MPDZ: variants seen among roughly 807,000 people sequenced by gnomAD.
MPDZ encodes multiple PDZ domain crumbs cell polarity complex component, also known as multiple PDZ domain protein.
MPDZ carries 234 observed loss-of-function variants against 239.1 expected under a neutral mutation model. That is an observed-to-expected ratio of 0.98 (90% confidence interval 0.88 to 1.09). The LOEUF (loss-of-function observed/expected upper bound fraction) is 1.09. Among genes scored for constraint, MPDZ ranks in the 50% least tolerant of loss-of-function variants. The pLI is 0.00. For missense variants in MPDZ, 3,175 were observed against 2,510.0 expected (o/e 1.26, Z -5.66); for synonymous variants, 1,048 against 881.3 (o/e 1.19, Z -3.35).
At position 13,188,663 on chromosome 9, in the gene MPDZ, C is replaced by T. The variant is rs1354959984; in HGVS notation, c.2364+121G>A. ...TCTTTATACGAATGGAGCTAGTAAT[C>T]ACGTTGATGAAAACTACTAAAAGTC... On this transcript the variant is annotated intron_variant, in intron 17 of 46. Transcript: ENST00000319217. The T allele has an allele frequency of 1.6e-5, 11 of 700,514 alleles. No individual in the cohort carries two copies. In the East Asian group the frequency reaches 2.8e-4, roughly 18 times the overall value. 43.4% of individuals were successfully genotyped at this position (700,514 alleles called of 1,614,324 possible). A position where few individuals can be genotyped will look rare whatever the true frequency, so the allele number is the denominator to read the frequency against.
At chr9:13,258,565 A>G (rs1035184295) in intron 1 of MPDZ, among the ~76,000 whole-genome samples, 1 of 152,216 alleles carries the variant, frequency 6.6e-6, no homozygotes, top group East Asian at 1.9e-4. Flanking sequence ...CATAACAGCA[A>G]TATTTATACT....
intron 1 of MPDZ, among the ~76,000 whole-genome samples, chr9:13,254,478 T>C (rs1163949131): frequency 1.3e-5 from 2 of 152,236 alleles, no homozygotes; most frequent in African/African-American, 2.4e-5. Context: ...TTGTTGTAAT[T>C]GTTCAATTTT....
chr9:13,124,780 A>G (rs572325236), intron 35 of MPDZ, among the ~76,000 whole-genome samples: 2 of 152,016 alleles, frequency 1.3e-5, no homozygotes, highest in Admixed American at 1.3e-4. Flanking sequence ...GGATAATTGC[A>G]TATCCATTCT....
chr9:13,162,651 G>T, intron 23 of MPDZ, 40 bp downstream of exon 23: 1 of 1,360,788 alleles, frequency 7.3e-7, no homozygotes, highest in Non-Finnish European at 1.0e-6. Context: ...TCTACAACTT[G>T]CTGTACCATT....
chr9:13,269,420 A>G (rs1390798448), intron 1 of MPDZ, among the ~76,000 whole-genome samples: 1 of 152,224 alleles, frequency 6.6e-6, no homozygotes, highest in African/African-American at 2.4e-5. Flanking sequence ...CCCCAGCACC[A>G]GAAGTAATGG....
At chr9:13,221,638 C>A in intron 6 of MPDZ, 138 bp from the exon 7 acceptor site, 1 of 844,660 alleles carries the variant, frequency 1.2e-6, no homozygotes, top group Non-Finnish European at 1.7e-6. Context: ...TAACAATGTC[C>A]CTTTCATTTG....
intron 18 of MPDZ, among the ~76,000 whole-genome samples, chr9:13,185,803 T>C (rs185490880): frequency 1.3e-5 from 2 of 152,050 alleles, no homozygotes; most frequent in Non-Finnish European, 2.9e-5. Flanking sequence ...ATAGAAAACA[T>C]GGGGTTTACC....
chr9:13,186,255 G>A lies in MPDZ; in HGVS notation c.2481+15C>T, dbSNP rs767276862. ...AGGTTTCTGAAAGAAAGCTTGATAA[G>A]TCATAGCCACTAACCAGAGCCAAGT... is the stretch of plus-strand genomic sequence containing the variant. On this transcript the variant is annotated intron_variant, in intron 18 of 46. Transcript: ENST00000319217. 2 of 1,502,602 alleles carry A rather than the reference G, an allele frequency of 1.3e-6. No individual in the cohort carries two copies. The highest frequency in any genetic ancestry group is 1.4e-5 in the African/African-American group (1 of 72,218). The allele number at this position is 1,502,602 out of a possible 1,614,324, so 93.1% of individuals were successfully genotyped here.
chr9:13,173,292 C>T (rs897425025), intron 21 of MPDZ, among the ~76,000 whole-genome samples: 1 of 151,950 alleles, frequency 6.6e-6, no homozygotes, highest in Non-Finnish European at 1.5e-5. Flanking sequence ...GTCTATTTTA[C>T]AATAAAAAAT....
chr9:13,172,271 T>C (rs1346266620), intron 21 of MPDZ, among the ~76,000 whole-genome samples: 3 of 152,050 alleles, frequency 2.0e-5, no homozygotes, highest in African/African-American at 4.8e-5. Flanking sequence ...AGCATATCAA[T>C]AATGGAAATG....
intron 17 of MPDZ, among the ~76,000 whole-genome samples, 180 bp downstream of exon 17, chr9:13,188,599 TCTTTC>T (rs1023895759): frequency 6.6e-5 from 10 of 152,172 alleles, no homozygotes; most frequent in African/African-American, 2.2e-4. Context: ...CTGGCTATTT[TCTTTC>T]CTTTATTTTT....
At chr9:13,232,677 A>C (rs1195710154) in intron 3 of MPDZ, among the ~76,000 whole-genome samples, 1 of 151,880 alleles carries the variant, frequency 6.6e-6, no homozygotes, top group Non-Finnish European at 1.5e-5. Flanking sequence ...TTAAAATTTA[A>C]AATTTGTTTT....
intron 21 of MPDZ, among the ~76,000 whole-genome samples, chr9:13,169,204 T>C (rs1237987979): frequency 6.6e-6 from 1 of 152,156 alleles, no homozygotes; most frequent in Admixed American, 6.6e-5. Flanking sequence ...ATTTCCATTT[T>C]ATCTCTGAAC....
intron 21 of MPDZ, among the ~76,000 whole-genome samples, chr9:13,174,244 G>A (rs964368194): frequency 7.2e-5 from 11 of 152,048 alleles, no homozygotes; most frequent in African/African-American, 2.7e-4. Context: ...ATTATAGCAT[G>A]TACAATATTT....
intron 19 of MPDZ, among the ~76,000 whole-genome samples, chr9:13,180,666 A>G (rs1450447180): frequency 6.6e-6 from 1 of 152,226 alleles, no homozygotes; most frequent in Non-Finnish European, 1.5e-5. Context: ...GAGTAAAATG[A>G]TTAACCAAAG....
chr9:13,202,060 T>G (rs1956447378), intron 12 of MPDZ, among the ~76,000 whole-genome samples: 1 of 152,186 alleles, frequency 6.6e-6, no homozygotes, highest in African/African-American at 2.4e-5. Context: ...ATGGTTCATT[T>G]GAGGAGTTGG....
At chr9:13,232,299 T>C (rs1351198927) in intron 3 of MPDZ, among the ~76,000 whole-genome samples, 1 of 152,144 alleles carries the variant, frequency 6.6e-6, no homozygotes, top group Non-Finnish European at 1.5e-5. Flanking sequence ...GAAACTAAAA[T>C]GTTTTCTAAA....
intron 1 of MPDZ, among the ~76,000 whole-genome samples, chr9:13,258,992 G>A (rs1970046863): frequency 6.6e-6 from 1 of 151,896 alleles, no homozygotes. Flanking sequence ...GACCGAGGCA[G>A]GAGAATCGCT....
intron 32 of MPDZ, among the ~76,000 whole-genome samples, chr9:13,130,523 G>T (rs920536817): frequency 2.6e-5 from 4 of 152,166 alleles, no homozygotes; most frequent in Non-Finnish European, 5.9e-5. Flanking sequence ...CTCTCAGCAT[G>T]TGTATGTTTT....
Sources: gnomAD v4.1 joint callset for allele counts (sites outside exome capture counted in the v4.1 genomes callset) on GRCh38, gnomAD v4.1.1 for gene constraint, MANE v1.5 for transcripts, NCBI Gene and HGNC (gene_info 2026-07-23, HGNC 2026-07-21) for gene names.